PUDP: variants seen among roughly 807,000 people sequenced by gnomAD.
The protein encoded by PUDP is pseudouridine-5'-phosphatase.
Under a neutral mutation model 9.4 loss-of-function variants are expected in PUDP, and 8 were observed. The observed-to-expected ratio is 0.85, with a 90% CI of 0.50 to 1.53. The LOEUF (loss-of-function observed/expected upper bound fraction) is 1.53. PUDP is among the 40% of genes most tolerant of loss of function. PUDP has a pLI of 0.00. For missense variants in PUDP, 188 were observed against 189.7 expected, an observed-to-expected ratio of 0.99 and a Z score of 0.05; for synonymous variants, 99 against 80.7, an observed-to-expected ratio of 1.23 and a Z score of -1.22.
At chrX:6,959,769 C>T (rs773546519) in intron 3 of PUDP, among the ~76,000 whole-genome samples, 1 of 112,437 alleles carries the variant, frequency 8.9e-6, no homozygotes, top group Non-Finnish European at 1.9e-5. Context: ...GGGATTGGGC[C>T]CCTAGGGCCT....
At chrX:6,761,032 TTG>T (rs1018564026) in intron 3 of PUDP, among the ~76,000 whole-genome samples, 9 of 110,991 alleles carry the variant, frequency 8.1e-5, no homozygotes, top group Non-Finnish European at 1.7e-4. Context: ...GTTTGTTTGT[TTG>T]TTTGTTTGTT....
chrX:7,097,426 CT>C (rs1931603976), intron 2 of PUDP, among the ~76,000 whole-genome samples: 1 of 111,655 alleles, frequency 9.0e-6, no homozygotes, highest in African/African-American at 3.3e-5. Context: ...ATCTGTATCT[CT>C]TCTGTTCTTG....
chrX:7,043,493 G>A (rs1296806991), intron 1 of PUDP, among the ~76,000 whole-genome samples: 1 of 111,917 alleles, frequency 8.9e-6, no homozygotes, highest in Non-Finnish European at 1.9e-5. Context: ...AATGCTTCTT[G>A]TACAGCCTGC....
chrX:6,736,318 C>T (rs931293423), intron 3 of PUDP, among the ~76,000 whole-genome samples: 3 of 111,376 alleles, frequency 2.7e-5, no homozygotes, highest in Non-Finnish European at 5.7e-5. Context: ...CTGAATAATG[C>T]CCTCCTATCC....
intron 1 of PUDP, among the ~76,000 whole-genome samples, chrX:7,021,153 G>C (rs1449821275): frequency 1.8e-5 from 2 of 112,214 alleles, no homozygotes; most frequent in Non-Finnish European, 3.8e-5. Flanking sequence ...ATCTTTTCTA[G>C]CTGCAAATGG....
chrX:6,715,510 A>G (rs1569086296), intron 1 of PUDP, among the ~76,000 whole-genome samples: 1 of 112,442 alleles, frequency 8.9e-6, no homozygotes, highest in African/African-American at 3.2e-5. Flanking sequence ...ACATGCCGGT[A>G]TATTACCTTA....
chrX:6,754,222 G>C (rs1470694899), intron 3 of PUDP, among the ~76,000 whole-genome samples: 1 of 111,240 alleles, frequency 9.0e-6, no homozygotes, highest in Non-Finnish European at 1.9e-5. Flanking sequence ...TCTTATGATA[G>C]TGAGTGAGTT....
At chrX:7,003,987 C>T (rs771002803) in intron 1 of PUDP, among the ~76,000 whole-genome samples, 1 of 111,287 alleles carries the variant, frequency 9.0e-6, no homozygotes, top group African/African-American at 3.3e-5. Flanking sequence ...GCAGTCCTCT[C>T]ACCTTGCTCT....
chrX:6,845,900 C>A, intron 3 of PUDP, among the ~76,000 whole-genome samples: 1 of 111,506 alleles, frequency 9.0e-6, no homozygotes, highest in Non-Finnish European at 1.9e-5. Flanking sequence ...CTGTGGATGG[C>A]TGCTATTCCC....
At chrX:6,757,730 A>C (rs774659600) in intron 3 of PUDP, among the ~76,000 whole-genome samples, 3 of 112,631 alleles carry the variant, frequency 2.7e-5, no homozygotes, top group Non-Finnish European at 5.6e-5. Context: ...GTCACTGGGC[A>C]GGAAAACAAT....
intron 1 of PUDP, among the ~76,000 whole-genome samples, chrX:7,014,325 G>T (rs1238201663): frequency 9.1e-6 from 1 of 110,047 alleles, no homozygotes; most frequent in Admixed American, 9.7e-5. Context: ...CTTTGCTGGG[G>T]AACTGCCTTC....
intron 3 of PUDP, among the ~76,000 whole-genome samples, chrX:6,944,595 A>G (rs1281242127): frequency 9.2e-6 from 1 of 108,899 alleles, no homozygotes; most frequent in African/African-American, 3.3e-5. Flanking sequence ...GAGCAACTTG[A>G]TAAGCCAGAA....
intron 3 of PUDP, among the ~76,000 whole-genome samples, chrX:6,742,846 G>C (rs1924956638): frequency 8.9e-6 from 1 of 112,478 alleles, no homozygotes; most frequent in African/African-American, 3.2e-5. Flanking sequence ...TCAGATTAAA[G>C]AGAACCAGGT....
At chrX:6,906,286 C>CA (rs1927765746) in intron 3 of PUDP, among the ~76,000 whole-genome samples, 1 of 111,992 alleles carries the variant, frequency 8.9e-6, no homozygotes, top group African/African-American at 3.2e-5. Context: ...TTGACGACAA[C>CA]AGGCACAAGT....
At chrX:7,074,396 C>CA (rs1240083802) in intron 3 of PUDP, among the ~76,000 whole-genome samples, 2 of 112,321 alleles carry the variant, frequency 1.8e-5, no homozygotes, top group Non-Finnish European at 3.8e-5. Flanking sequence ...AAACCAAAAC[C>CA]AAAAAACCCC....
At chrX:6,746,481 A>G (rs774013300) in intron 3 of PUDP, among the ~76,000 whole-genome samples, 9 of 111,482 alleles carry the variant, frequency 8.1e-5, no homozygotes, top group Non-Finnish European at 1.7e-4. Context: ...AACGTGTGCC[A>G]TGGTGGTTTG....
intron 3 of PUDP, among the ~76,000 whole-genome samples, chrX:6,744,863 CAAT>C (rs1924981143): frequency 9.0e-6 from 1 of 111,317 alleles, no homozygotes; most frequent in Admixed American, 9.6e-5. Context: ...ATGGAAGCAA[CAAT>C]AATAAAAACG....
At chrX:6,711,211 T>C (rs1439604900) in intron 1 of PUDP, among the ~76,000 whole-genome samples, 1 of 111,276 alleles carries the variant, frequency 9.0e-6, no homozygotes, top group Non-Finnish European at 1.9e-5. Context: ...CGAGGGAAAC[T>C]GTGCATTGTT....
chrX:6,987,836 A>G (rs1244816524), intron 1 of PUDP, among the ~76,000 whole-genome samples: 3 of 112,137 alleles, frequency 2.7e-5, no homozygotes, highest in Admixed American at 9.5e-5. Context: ...TTAATCACCA[A>G]TCACTTGGGA....
Sources: allele counts gnomAD v4.1 joint callset (sites outside exome capture counted in the v4.1 genomes callset), GRCh38; gene constraint gnomAD v4.1.1; transcripts MANE v1.5; gene names NCBI Gene and HGNC (gene_info 2026-07-23, HGNC 2026-07-21).